SAMD5: variants seen among roughly 807,000 people sequenced by gnomAD.
The protein encoded by SAMD5 is sterile alpha motif domain-containing protein 5.
SAMD5 carries 13 observed loss-of-function variants against 11.3 expected under a neutral mutation model. The ratio of observed to expected loss-of-function variants is 1.15; its 90% CI spans 0.75 to 1.83. SAMD5 has a LOEUF of 1.83. Ranked by LOEUF, SAMD5 falls within the 40% of genes most tolerant of loss-of-function variation. The pLI is 0.00. For synonymous variants in SAMD5, 129 were observed against 111.3 expected, an observed-to-expected ratio of 1.16 and a Z score of -1.00; for missense variants, 255 against 239.1, an observed-to-expected ratio of 1.07 and a Z score of -0.44.
chr6:147,859,253 T>A, the SAMD5 span, among the ~76,000 whole-genome samples: 1 of 152,164 alleles, frequency 6.6e-6, no homozygotes, highest in Non-Finnish European at 1.5e-5. Flanking sequence ...ATATAGCCTG[T>A]CAACACTCTT....
At chr6:147,857,467 A>G in the SAMD5 span, among the ~76,000 whole-genome samples, 10 of 151,908 alleles carry the variant, frequency 6.6e-5, 1 homozygote, top group African/African-American at 2.2e-4. Context: ...TGACCATGCC[A>G]CTGCATTCTG....
the SAMD5 span, among the ~76,000 whole-genome samples, chr6:147,909,549 C>T: frequency 6.9e-6 from 1 of 145,450 alleles, no homozygotes; most frequent in African/African-American, 2.7e-5. Flanking sequence ...CAAACTGTGA[C>T]CATCCATCTT....
At chr6:147,632,688 A>G (rs1274457281) in intron 1 of SAMD5, among the ~76,000 whole-genome samples, 1 of 152,216 alleles carries the variant, frequency 6.6e-6, no homozygotes, top group Non-Finnish European at 1.5e-5. Context: ...CACAGTATTG[A>G]CTGCTTCTAG....
At chr6:147,917,391 T>C in the SAMD5 span, among the ~76,000 whole-genome samples, 1 of 150,968 alleles carries the variant, frequency 6.6e-6, no homozygotes, top group African/African-American at 2.5e-5. Flanking sequence ...TTCGCCCACT[T>C]TTTGATGGGG....
At chr6:147,696,980 GAGAGTTCA>G (rs1791184509) in intron 1 of SAMD5, among the ~76,000 whole-genome samples, 1 of 152,192 alleles carries the variant, frequency 6.6e-6, no homozygotes, top group Non-Finnish European at 1.5e-5. Flanking sequence ...CTGGAGGCTG[GAGAGTTCA>G]AGATCAAGGT....
At chr6:147,586,247 G>A (rs909400626) in intron 1 of SAMD5, among the ~76,000 whole-genome samples, 4 of 152,118 alleles carry the variant, frequency 2.6e-5, no homozygotes, top group African/African-American at 9.7e-5. Context: ...TCAATTACGG[G>A]CAAACTGCCT....
At chr6:147,597,084 C>A (rs1186531661) in intron 1 of SAMD5, among the ~76,000 whole-genome samples, 4 of 152,112 alleles carry the variant, frequency 2.6e-5, no homozygotes, top group African/African-American at 9.7e-5. Context: ...GCATGGGATG[C>A]CATGGTCTAG....
chr6:147,652,568 G>T (rs1790500875), intron 1 of SAMD5, among the ~76,000 whole-genome samples: 1 of 152,178 alleles, frequency 6.6e-6, no homozygotes, highest in Non-Finnish European at 1.5e-5. Flanking sequence ...AGCAGCAGTA[G>T]TAGGGGAGGC....
the SAMD5 span, among the ~76,000 whole-genome samples, chr6:147,802,922 G>A: frequency 2.0e-5 from 3 of 152,278 alleles, no homozygotes; most frequent in Non-Finnish European, 4.4e-5. Flanking sequence ...GGGCATGAAG[G>A]AATTTTCTGG....
chr6:147,893,195 T>G, the SAMD5 span, among the ~76,000 whole-genome samples: 1 of 146,708 alleles, frequency 6.8e-6, no homozygotes, highest in Non-Finnish European at 1.5e-5. Context: ...AGAGCGAAAC[T>G]CTGTCTAGAA....
At chr6:147,845,686 A>G in the SAMD5 span, among the ~76,000 whole-genome samples, 599 of 152,296 alleles carry the variant, frequency 3.9e-3, 2 homozygotes, top group African/African-American at 0.014. Context: ...ATGAGATTTC[A>G]CTATGCACCT....
chr6:147,563,583 C>T (rs1354978863), intron 1 of SAMD5, among the ~76,000 whole-genome samples: 1 of 152,156 alleles, frequency 6.6e-6, no homozygotes, highest in East Asian at 1.9e-4. Flanking sequence ...GGATTGTGGG[C>T]ACACAGCAGA....
intron 1 of SAMD5, among the ~76,000 whole-genome samples, chr6:147,559,011 C>T (rs929272178): frequency 3.9e-5 from 6 of 152,170 alleles, no homozygotes; most frequent in Non-Finnish European, 5.9e-5. Context: ...TGACCTAGCC[C>T]CCACTTCTTG....
At chr6:147,935,572 CA>C in the SAMD5 span, among the ~76,000 whole-genome samples, 1 of 151,992 alleles carries the variant, frequency 6.6e-6, no homozygotes, top group African/African-American at 2.4e-5. Flanking sequence ...TCTATTAAAG[CA>C]GAATTTTTAA....
chr6:147,873,352 G>A, the SAMD5 span, among the ~76,000 whole-genome samples: 1 of 151,410 alleles, frequency 6.6e-6, no homozygotes, highest in Admixed American at 6.6e-5. Flanking sequence ...ACTCCAGCCT[G>A]GTGACAGAGT....
At chr6:147,856,521 C>A in the SAMD5 span, among the ~76,000 whole-genome samples, 1 of 152,146 alleles carries the variant, frequency 6.6e-6, no homozygotes, top group Non-Finnish European at 1.5e-5. Flanking sequence ...TAAATGTTTT[C>A]TTTCAAGAGA....
At position 147,556,145 on chromosome 6, in the gene SAMD5, T is replaced by C. The variant is rs534797745; in HGVS notation, c.460-8249T>C. On this transcript the variant is annotated intron_variant, in intron 1 of 1. Transcript: ENST00000367474. Reference sequence around the variant, plus strand: ...TCTTGCTCTGTCGCCCAGGCTGGAGTGCAGTGGTGTGATCTTGGCTCACTG... The same window carrying C: ...TCTTGCTCTGTCGCCCAGGCTGGAGCGCAGTGGTGTGATCTTGGCTCACTG... 5.3e-5 allele frequency among the ~76,000 whole-genome samples: 8 copies of C among 151,928 alleles called. No homozygotes were observed. The East Asian group carries it at 1.5e-3, about 29-fold the overall frequency.
At chr6:147,780,529 A>G in the SAMD5 span, among the ~76,000 whole-genome samples, 1 of 152,198 alleles carries the variant, frequency 6.6e-6, no homozygotes, top group East Asian at 1.9e-4. Context: ...TTCTTGAATT[A>G]TATTTTAAAG....
chr6:147,927,398 C>T, the SAMD5 span, among the ~76,000 whole-genome samples: 1 of 152,026 alleles, frequency 6.6e-6, no homozygotes, highest in Non-Finnish European at 1.5e-5. Flanking sequence ...TAGCTGTATT[C>T]CTAGATATTT....
Sources: gnomAD v4.1 joint callset for allele counts (sites outside exome capture counted in the v4.1 genomes callset) on GRCh38, gnomAD v4.1.1 for gene constraint, MANE v1.5 for transcripts, NCBI Gene and HGNC (gene_info 2026-07-23, HGNC 2026-07-21) for gene names.